The following NBAS variants were observed in gnomAD, a reference collection of about 807,000 sequenced individuals.
NBAS encodes NAG/BC035112 fusion.
A neutral mutation model predicts 302.5 loss-of-function variants in NBAS; 219 were observed. The observed-to-expected ratio is 0.72, with a 90% CI of 0.65 to 0.81. The LOEUF is 0.81. Ranked by LOEUF, NBAS falls within the 30% of genes least tolerant of loss-of-function variation. The pLI is 0.00. For missense variants in NBAS, 2,932 were observed against 2,841.6 expected (o/e 1.03, Z -0.72); for synonymous variants, 1,118 against 1,021.6 (o/e 1.09, Z -1.80).
chr2:15,276,941 C>T lies in NBAS; in HGVS notation c.5299G>A (p.Glu1767Lys), dbSNP rs1669610319. ...CCCAAATCTGCACAGCCACAGTTTT[C>T]CAGAAGAGTGAAATAATACTGCAGC... Reference protein sequence around the residue: ...ERLQYYFTLLENCGCADLGNC... With the variant: ...ERLQYYFTLLKNCGCADLGNC... Residue 1767 changes from glutamate to lysine, a missense_variant, in exon 43 of 52, where the codon GAA becomes AAA. By Grantham distance (56) the Glu-to-Lys change is moderately conservative (BLOSUM62 1). Transcript: ENST00000281513. 2 of 1,613,956 alleles carry T rather than the reference C, an allele frequency of 1.2e-6. No homozygotes were observed. The highest frequency in any genetic ancestry group is 1.7e-6 in the Non-Finnish European group (2 of 1,179,990).
chr2:15,113,521 A>G, the NBAS span, among the ~76,000 whole-genome samples: 74,152 of 151,862 alleles, frequency 0.49, 20,458 homozygotes, highest in Non-Finnish European at 0.6. Context: ...TACGAGAGAG[A>G]ATTTTTCTCT....
rs756163155 is a variant in NBAS at position 15,292,730 on chromosome 2, G to T, written c.4834C>A (p.His1612Asn). ...PKELIKMVTR[H>N]VTRHEHEAWP... ...GCTTCGTGCTCATGTCGAGTCACAT[G>T]CCTGGTGACCATCTTGATTAGTTCT... The change falls in exon 41 of 52, where the codon CAT (histidine) becomes AAT (asparagine). Residue 1612 changes from histidine (H) to asparagine (N), a missense_variant. Physicochemically the swap from His to Asn is moderately conservative, Grantham distance 68 (BLOSUM62 1). Transcript: ENST00000281513. 3.1e-6 allele frequency: 5 copies of T among 1,614,204 alleles called. No individual in the cohort carries two copies. Among genetic ancestry groups the T allele is most frequent in the Non-Finnish European group, 3.4e-6 (4 of 1,180,046 alleles).
chr2:15,293,395 T>G (rs1329149118), intron 40 of NBAS, among the ~76,000 whole-genome samples: 2 of 152,188 alleles, frequency 1.3e-5, no homozygotes, highest in Non-Finnish European at 2.9e-5. Context: ...TCTACGATTC[T>G]TAGCAGCTTC....
At chr2:14,789,336 C>T in the NBAS span, among the ~76,000 whole-genome samples, 1 of 152,134 alleles carries the variant, frequency 6.6e-6, no homozygotes, top group Admixed American at 6.5e-5. Context: ...TGTGCTGCAC[C>T]CACTGTCCTG....
intron 47 of NBAS, among the ~76,000 whole-genome samples, chr2:15,219,949 G>A (rs1369019074): frequency 4.7e-5 from 7 of 148,782 alleles, no homozygotes; most frequent in Admixed American, 2.7e-4. Context: ...TGGCCGGGCA[G>A]AGGGCTCCTC....
At chr2:15,176,007 G>A (rs907338899) in intron 51 of NBAS, among the ~76,000 whole-genome samples, 1 of 152,194 alleles carries the variant, frequency 6.6e-6, no homozygotes, top group South Asian at 2.1e-4. Context: ...GTCAATAGGA[G>A]CTACTGTCAA....
At chr2:14,992,771 A>G in the NBAS span, among the ~76,000 whole-genome samples, 2 of 152,170 alleles carry the variant, frequency 1.3e-5, no homozygotes, top group East Asian at 3.9e-4. Context: ...TGCAATTTGC[A>G]GGTAACAACA....
At chr2:15,098,339 T>TATCATATTTGATATATTGTATAC in the NBAS span, among the ~76,000 whole-genome samples, 2 of 2,564 alleles carry the variant, frequency 7.8e-4, 1 homozygote, top group African/African-American at 1.6e-3. Flanking sequence ...ATATTGTATA[T>TATCATATTTGATATATTGTATAC]AATATATAAT....
chr2:14,883,617 T>A, the NBAS span, among the ~76,000 whole-genome samples: 1 of 152,164 alleles, frequency 6.6e-6, no homozygotes. Context: ...GCTCCGTCAC[T>A]ACAGGTAGCA....
At chr2:14,922,468 A>G in the NBAS span, among the ~76,000 whole-genome samples, 54,441 of 151,960 alleles carry the variant, frequency 0.36, 9,964 homozygotes, top group African/African-American at 0.44. Flanking sequence ...GGAGGTGGTG[A>G]GTTTGGTTCC....
chr2:15,363,494 C>T (rs1674041944), intron 32 of NBAS, among the ~76,000 whole-genome samples: 1 of 152,058 alleles, frequency 6.6e-6, no homozygotes, highest in Admixed American at 6.6e-5. Flanking sequence ...ATAAAGTCCA[C>T]TGATTATTAT....
intron 2 of NBAS, 37 bp downstream of exon 2, chr2:15,558,543 A>C: frequency 6.5e-7 from 1 of 1,544,198 alleles, no homozygotes; most frequent in Non-Finnish European, 8.8e-7. Flanking sequence ...TTAACTGTTA[A>C]CCATATCATT....
In NBAS at chr2:15,374,733, A is replaced by C. The variant is rs1220045712; in HGVS notation, c.3591-13T>G. 6.2e-7 allele frequency: 1 copy of C among 1,607,174 alleles called. No individual in the cohort carries two copies. The highest frequency in any genetic ancestry group is 2.2e-5 in the East Asian group (1 of 44,786). On this transcript the variant is annotated splice_polypyrimidine_tract_variant and intron_variant, in intron 30 of 51. Transcript: ENST00000281513. The stretch of plus-strand genomic sequence containing the variant: ...TTGTAAGCAGCACCTAGAAGAAATT[A>C]GATAAATTTTTAAAAAGAAGCAACA...
At chr2:15,063,441 C>G in the NBAS span, among the ~76,000 whole-genome samples, 1 of 152,062 alleles carries the variant, frequency 6.6e-6, no homozygotes, top group African/African-American at 2.4e-5. Flanking sequence ...AGCCTGTAAG[C>G]TCCTGGAGGA....
chr2:15,483,288 G>T, intron 12 of NBAS: 1 of 379,046 alleles, frequency 2.6e-6, no homozygotes, highest in African/African-American at 2.1e-5. Flanking sequence ...GAAAACAGCT[G>T]TGGATTATAT....
intron 5 of NBAS, among the ~76,000 whole-genome samples, chr2:15,552,778 A>G (rs577860756): frequency 6.7e-6 from 1 of 149,630 alleles, no homozygotes; most frequent in Admixed American, 6.8e-5. Flanking sequence ...GTACCAACAG[A>G]GAAAAAGCAT....
chr2:14,785,233 T>G, the NBAS span, among the ~76,000 whole-genome samples: 620 of 151,790 alleles, frequency 4.1e-3, 3 homozygotes, highest in African/African-American at 0.014. Context: ...AGACGATGGG[T>G]TTTTCTAGAT....
At chr2:15,034,252 G>A in the NBAS span, among the ~76,000 whole-genome samples, 2 of 94,236 alleles carry the variant, frequency 2.1e-5, no homozygotes, top group Admixed American at 1.1e-4. Flanking sequence ...AAGAAAGAAA[G>A]AAAGAAAGAA....
intron 24 of NBAS, 26 bp downstream of exon 24, chr2:15,417,501 A>G: frequency 1.3e-6 from 2 of 1,584,466 alleles, no homozygotes; most frequent in Non-Finnish European, 1.7e-6. Context: ...TAAAATATTT[A>G]AAAAGGAAGT....
Sources: allele counts gnomAD v4.1 joint callset (sites outside exome capture counted in the v4.1 genomes callset), GRCh38; gene constraint gnomAD v4.1.1; transcripts MANE v1.5; gene names NCBI Gene and HGNC (gene_info 2026-07-23, HGNC 2026-07-21).